Variants in PKN2 observed in about 807,000 individuals in gnomAD.
PKN2 encodes the protein protein kinase N2.
Under a neutral mutation model 119.1 loss-of-function variants are expected in PKN2, and 38 were observed. The ratio of observed to expected loss-of-function variants is 0.32; its 90% CI spans 0.25 to 0.42. The LOEUF (loss-of-function observed/expected upper bound fraction) is 0.42, where lower values mean the gene tolerates loss of function less well. PKN2 is among the 10% of genes least tolerant of loss of function. PKN2 has a pLI of 1.00. For synonymous variants in PKN2, 390 were observed against 384.9 expected (o/e 1.01, Z -0.15); for missense variants, 850 against 1,165.1 (o/e 0.73, Z 3.94).
intron 11 of PKN2, 42 bp from the exon 12 acceptor site, chr1:88,805,849 C>T (rs754360480): frequency 8.7e-6 from 14 of 1,609,904 alleles, no homozygotes; most frequent in Non-Finnish European, 1.2e-5. Flanking sequence ...AAAATACAGA[C>T]TTTCTATTAC....
chr1:88,696,615 G>C (rs1170112380), intron 1 of PKN2, among the ~76,000 whole-genome samples: 1 of 152,118 alleles, frequency 6.6e-6, no homozygotes, highest in Non-Finnish European at 1.5e-5. Context: ...AATCTGAGTG[G>C]CCTTAGTCAG....
intron 19 of PKN2, 75 bp downstream of exon 19, chr1:88,828,698 C>T (rs1195128847): frequency 8.9e-6 from 11 of 1,232,522 alleles, no homozygotes; most frequent in Admixed American, 4.1e-5. Flanking sequence ...TATAAAACCA[C>T]CTAATACTGT....
At chr1:88,746,485 G>A (rs940861979) in intron 2 of PKN2, among the ~76,000 whole-genome samples, 2 of 132,704 alleles carry the variant, frequency 1.5e-5, no homozygotes, top group East Asian at 2.1e-4. Flanking sequence ...CATATAAATG[G>A]CCGACAGATA....
At chr1:88,715,414 G>T (rs1281379409) in intron 1 of PKN2, among the ~76,000 whole-genome samples, 1 of 152,006 alleles carries the variant, frequency 6.6e-6, no homozygotes, top group Non-Finnish European at 1.5e-5. Flanking sequence ...TTTTTGGTTG[G>T]TAGACTATTA....
chr1:88,781,063 C>T, intron 6 of PKN2: 1 of 1,132,078 alleles, frequency 8.8e-7, no homozygotes, highest in South Asian at 1.6e-5. Flanking sequence ...CTTTAAGCTC[C>T]TACTGGACCA....
In PKN2 at chr1:88,833,669, T is replaced by C. The variant is rs147551533; in HGVS notation, c.*221T>C. On this transcript the variant is annotated 3_prime_UTR_variant, in exon 22 of 22. Transcript: ENST00000370521. ...AATATGAGCACTGGAAACAGTTTCA[T>C]GGAGTTTAAGTTGAGTGAACATCGG... The C allele has an allele frequency of 3.8e-4, 189 of 500,800 alleles. 1 individual carries two copies. The highest frequency in any genetic ancestry group is 3.0e-3 in the African/African-American group (153 of 50,844). 31.0% of individuals were successfully genotyped at this position (500,800 alleles called of 1,614,324 possible).
chr1:88,773,806 T>C (rs1356867914), intron 6 of PKN2, among the ~76,000 whole-genome samples: 1 of 152,026 alleles, frequency 6.6e-6, no homozygotes, highest in Non-Finnish European at 1.5e-5. Flanking sequence ...GAGAGAAACA[T>C]TTAAAGTAAT....
chr1:88,739,598 TTTTTC>T (rs1475724280), intron 1 of PKN2, among the ~76,000 whole-genome samples: 1 of 152,230 alleles, frequency 6.6e-6, no homozygotes, highest in Non-Finnish European at 1.5e-5. Flanking sequence ...ACAGTGTGTC[TTTTTC>T]TTTTCCATGT....
At chr1:88,723,694 C>T (rs949472874) in intron 1 of PKN2, among the ~76,000 whole-genome samples, 7 of 152,222 alleles carry the variant, frequency 4.6e-5, no homozygotes, top group East Asian at 3.9e-4. Flanking sequence ...AAGTGTAAAT[C>T]CAGGTATCCT....
chr1:88,740,389 T>C (rs944888381), intron 1 of PKN2, among the ~76,000 whole-genome samples: 3 of 152,188 alleles, frequency 2.0e-5, no homozygotes, highest in African/African-American at 4.8e-5. Flanking sequence ...TTTATTTGTA[T>C]AAATTTAAGG....
rs1447884338 is a variant in PKN2 at position 88,836,172 on chromosome 1, A to G, written c.*2724A>G. On this transcript the variant is annotated 3_prime_UTR_variant, in exon 22 of 22. Coordinates refer to ENST00000370521, the MANE Select transcript of PKN2 (RefSeq NM_006256.4). The stretch of plus-strand genomic sequence containing the variant: ...AGATGCAAGCACCAGTATTGTATGT[A>G]CTTTTCTCTTGTTTGAGGTTAGCTT... 2 of 152,148 alleles carry G rather than the reference A, an allele frequency of 1.3e-5. No individual in the cohort carries two copies. The highest frequency in any genetic ancestry group is 2.9e-5 in the Non-Finnish European group (2 of 67,994). The allele number at this position is 152,148 out of a possible 1,614,324, so 9.4% of individuals were successfully genotyped here. A position where few individuals can be genotyped will look rare whatever the true frequency, so the allele number is the denominator to read the frequency against.
At chr1:88,821,887 G>A in intron 16 of PKN2, 54 bp from the exon 17 acceptor site, 1 of 1,351,918 alleles carries the variant, frequency 7.4e-7, no homozygotes, top group Non-Finnish European at 9.9e-7. Flanking sequence ...TATAAGCTGG[G>A]ATTCAAGAGC....
rs767693830 is a variant in PKN2, at chr1:88,740,948, C to A, written c.49-40C>A. 4 of 1,398,758 alleles carry A rather than the reference C, an allele frequency of 2.9e-6. 1 individual carries two copies. The highest frequency in any genetic ancestry group is 3.9e-6 in the Non-Finnish European group (4 of 1,028,642). 86.6% of individuals were successfully genotyped at this position (1,398,758 alleles called of 1,614,324 possible). A position where few individuals can be genotyped will look rare whatever the true frequency, so the allele number is the denominator to read the frequency against. On this transcript the variant is annotated intron_variant, in intron 1 of 21. Coordinates refer to ENST00000370521, the MANE Select transcript of PKN2 (RefSeq NM_006256.4). ...CTGCATATTTACTGAGCAGCCAACTCTCCTAAACTCCCACATTTGTATGTT... is the reference window on the plus strand; with the variant it reads ...CTGCATATTTACTGAGCAGCCAACTATCCTAAACTCCCACATTTGTATGTT...
chr1:88,762,442 T>C (rs1045713103), intron 3 of PKN2, among the ~76,000 whole-genome samples: 3 of 152,228 alleles, frequency 2.0e-5, no homozygotes, highest in Admixed American at 6.5e-5. Flanking sequence ...ACTGTTTTTA[T>C]TTTTCATCTT....
At chr1:88,706,028 A>G (rs1040725683) in intron 1 of PKN2, among the ~76,000 whole-genome samples, 1 of 130,240 alleles carries the variant, frequency 7.7e-6, no homozygotes, top group African/African-American at 2.7e-5. Context: ...TTCTAGAAAA[A>G]GTCTATACGG....
chr1:88,729,752 G>A (rs1570544326), intron 1 of PKN2, among the ~76,000 whole-genome samples: 1 of 152,278 alleles, frequency 6.6e-6, no homozygotes, highest in South Asian at 2.1e-4. Context: ...AATGCAAAGA[G>A]GCAGGATTCA....
In PKN2 at chr1:88,810,355, C is replaced by T. The variant is rs144392195; in HGVS notation, c.2102+2580C>T. On this transcript the variant is annotated intron_variant, in intron 15 of 21. Transcript: ENST00000370521. ...CAGGCTGGTCTCAAACTCCTGAGCT[C>T]AGGTGATCTGCCCGCCTCAGCCTCC... Among the ~76,000 whole-genome samples, 1,512 of 152,062 alleles carry T rather than the reference C, an allele frequency of 9.9e-3. 22 individuals are homozygous for T. The highest frequency in any genetic ancestry group is 0.034 in the African/African-American group (1,429 of 41,488).
chr1:88,714,009 G>A (rs180875315), intron 1 of PKN2, among the ~76,000 whole-genome samples: 1 of 152,298 alleles, frequency 6.6e-6, no homozygotes, highest in African/African-American at 2.4e-5. Context: ...TGGCTAGCCA[G>A]TTTTCCCAGC....
chr1:88,814,326 G>A (rs1243925664), intron 16 of PKN2, among the ~76,000 whole-genome samples: 1 of 152,104 alleles, frequency 6.6e-6, no homozygotes, highest in East Asian at 1.9e-4. Flanking sequence ...AAATAAATAA[G>A]AATAATAGTA....
Sources: gnomAD v4.1 joint callset for allele counts (sites outside exome capture counted in the v4.1 genomes callset) on GRCh38, gnomAD v4.1.1 for gene constraint, MANE v1.5 for transcripts, NCBI Gene and HGNC (gene_info 2026-07-23, HGNC 2026-07-21) for gene names.